Variants in DCC observed in about 807,000 individuals in gnomAD.
The protein encoded by DCC is netrin receptor DCC.
Under a neutral mutation model 172.5 loss-of-function variants are expected in DCC, and 58 were observed. The observed-to-expected ratio is 0.34, with a 90% confidence interval of 0.27 to 0.42. DCC has a LOEUF of 0.42. Ranked by LOEUF, DCC falls within the 10% of genes least tolerant of loss-of-function variation. The pLI, the probability that DCC is intolerant of heterozygous loss-of-function variation, is 1.00. For synonymous variants in DCC, 709 were observed against 644.5 expected (o/e 1.10, Z -1.52); for missense variants, 1,740 against 1,791.0 (o/e 0.97, Z 0.51).
chr18:52,440,173 C>T (rs942601917), intron 1 of DCC, among the ~76,000 whole-genome samples: 1 of 152,138 alleles, frequency 6.6e-6, no homozygotes, highest in Non-Finnish European at 1.5e-5. Flanking sequence ...AAGCGCATAC[C>T]CCTTCCATCG....
chr18:52,707,475 A>T (rs2036228717), intron 1 of DCC, among the ~76,000 whole-genome samples: 1 of 152,222 alleles, frequency 6.6e-6, no homozygotes, highest in Non-Finnish European at 1.5e-5. Context: ...AAACAGAACT[A>T]TCATATGATC....
At chr18:52,916,307 C>G (rs1310079737) in intron 3 of DCC, among the ~76,000 whole-genome samples, 1 of 151,428 alleles carries the variant, frequency 6.6e-6, no homozygotes, top group Non-Finnish European at 1.5e-5. Flanking sequence ...ACACATTTCT[C>G]AAAAATGAAC....
At chr18:53,306,649 A>C (rs561370496) in intron 13 of DCC, among the ~76,000 whole-genome samples, 8 of 152,358 alleles carry the variant, frequency 5.3e-5, no homozygotes, top group African/African-American at 1.9e-4. Context: ...CCTCCCAGGC[A>C]GTCCCCAGTG....
intron 13 of DCC, among the ~76,000 whole-genome samples, chr18:53,320,220 C>A (rs1333701374): frequency 2.0e-5 from 3 of 151,688 alleles, no homozygotes; most frequent in Non-Finnish European, 4.4e-5. Flanking sequence ...CCACAGGCGC[C>A]CACCACCACT....
chr18:52,792,739 G>T (rs1326013986), intron 2 of DCC, among the ~76,000 whole-genome samples: 1 of 9,414 alleles, frequency 1.1e-4, no homozygotes, highest in Non-Finnish European at 3.1e-4. Flanking sequence ...GGAGGCTGAG[G>T]CAACCATTCC....
intron 12 of DCC, among the ~76,000 whole-genome samples, chr18:53,231,567 G>GT (rs1469055479): frequency 6.6e-6 from 1 of 152,048 alleles, no homozygotes; most frequent in Non-Finnish European, 1.5e-5. Flanking sequence ...TGAGGAGGCT[G>GT]TTTTTATGAT....
chr18:53,347,476 G>A lies in DCC; in HGVS notation c.2359+7569G>A, dbSNP rs1265059761. ...CACAGTCCCATTTTAAATATTTTTGGGCAGCTGTTATTGTGAACATTCTTG... is the reference window on the plus strand; with the variant it reads ...CACAGTCCCATTTTAAATATTTTTGAGCAGCTGTTATTGTGAACATTCTTG... On this transcript the variant is annotated intron_variant, in intron 15 of 28. Coordinates refer to ENST00000442544, the MANE Select transcript of DCC (RefSeq NM_005215.4). Among the ~76,000 whole-genome samples the A allele has an allele frequency of 3.3e-5, 5 of 151,990 alleles. No homozygotes were observed. The East Asian group carries it at 9.6e-4, about 29-fold the overall frequency.
intron 1 of DCC, among the ~76,000 whole-genome samples, chr18:52,378,646 A>C (rs1985456504): frequency 6.6e-6 from 1 of 152,136 alleles, no homozygotes; most frequent in Non-Finnish European, 1.5e-5. Flanking sequence ...TCCCGGGTTC[A>C]AGTGATCCCC....
intron 2 of DCC, among the ~76,000 whole-genome samples, chr18:52,773,941 G>A (rs2037385354): frequency 6.6e-6 from 1 of 152,204 alleles, no homozygotes; most frequent in African/African-American, 2.4e-5. Context: ...GGCTGTTGAA[G>A]CTGCAGCCAA....
At chr18:52,873,073 C>G (rs768447899) in intron 2 of DCC, among the ~76,000 whole-genome samples, 1 of 152,172 alleles carries the variant, frequency 6.6e-6, no homozygotes, top group East Asian at 1.9e-4. Flanking sequence ...AATTTGAAAT[C>G]GGTCACAGGC....
intron 5 of DCC, among the ~76,000 whole-genome samples, chr18:53,058,090 C>T (rs1045342652): frequency 2.6e-5 from 4 of 151,954 alleles, no homozygotes; most frequent in Non-Finnish European, 5.9e-5. Flanking sequence ...AAATCCATGG[C>T]CAGAAATGTG....
At chr18:52,659,033 A>G (rs548946551) in intron 1 of DCC, among the ~76,000 whole-genome samples, 1 of 152,274 alleles carries the variant, frequency 6.6e-6, no homozygotes, top group Non-Finnish European at 1.5e-5. Flanking sequence ...AAAGTTATCT[A>G]TAATGTTGTT....
At chr18:52,737,710 G>C (rs760459062) in intron 1 of DCC, among the ~76,000 whole-genome samples, 1 of 152,136 alleles carries the variant, frequency 6.6e-6, no homozygotes, top group Non-Finnish European at 1.5e-5. Flanking sequence ...AGGACTGTTG[G>C]AGAGAATGAG....
chr18:53,253,010 T>C (rs1016529714), intron 12 of DCC, among the ~76,000 whole-genome samples: 1 of 151,992 alleles, frequency 6.6e-6, no homozygotes, highest in South Asian at 2.1e-4. Context: ...TGACTCCTGA[T>C]AAATTACTCA....
At chr18:52,721,959 G>A (rs2036480246) in intron 1 of DCC, among the ~76,000 whole-genome samples, 2 of 152,204 alleles carry the variant, frequency 1.3e-5, no homozygotes, top group Admixed American at 1.3e-4. Context: ...GGGAGGTGGA[G>A]GTTGCAGTGA....
chr18:52,737,507 G>A (rs902907916), intron 1 of DCC, among the ~76,000 whole-genome samples: 3 of 152,152 alleles, frequency 2.0e-5, no homozygotes, highest in Non-Finnish European at 2.9e-5. Flanking sequence ...TCCTGTGGGA[G>A]CTTTTTAGGA....
chr18:52,703,129 A>G (rs2036152860), intron 1 of DCC, among the ~76,000 whole-genome samples: 1 of 152,124 alleles, frequency 6.6e-6, no homozygotes, highest in Non-Finnish European at 1.5e-5. Context: ...CTTTTCTGAA[A>G]TGTTCCATCA....
intron 2 of DCC, among the ~76,000 whole-genome samples, chr18:52,845,001 A>G (rs1431333648): frequency 6.6e-6 from 1 of 152,234 alleles, no homozygotes; most frequent in Non-Finnish European, 1.5e-5. Context: ...TTTTCTGCCT[A>G]ACACAATGCA....
intron 12 of DCC, among the ~76,000 whole-genome samples, chr18:53,253,946 T>C (rs1034709706): frequency 1.3e-5 from 2 of 151,952 alleles, no homozygotes; most frequent in East Asian, 3.9e-4. Flanking sequence ...TAGGAATCAG[T>C]GTTAGATGGC....
Sources: gnomAD v4.1 joint callset for allele counts (sites outside exome capture counted in the v4.1 genomes callset) on GRCh38, gnomAD v4.1.1 for gene constraint, MANE v1.5 for transcripts, NCBI Gene and HGNC (gene_info 2026-07-23, HGNC 2026-07-21) for gene names.